WBP2NL: variants seen among roughly 807,000 people sequenced by gnomAD.
The protein encoded by WBP2NL is WBP2 N-terminal like, also known as postacrosomal sheath WW domain-binding protein.
WBP2NL carries 27 observed loss-of-function variants against 23.3 expected under a neutral mutation model. The observed-to-expected ratio is 1.16, with a 90% CI of 0.85 to 1.60. The LOEUF is 1.60. WBP2NL is among the 40% of genes most tolerant of loss of function. The pLI, the probability that WBP2NL is intolerant of heterozygous loss-of-function variation, is 0.00. For synonymous variants in WBP2NL, 151 were observed against 145.9 expected (o/e 1.03, Z -0.25); for missense variants, 370 against 389.5 (o/e 0.95, Z 0.42).
At chr22:42,002,993 GAAAA>G (rs1045772728) in intron 1 of WBP2NL, 1 of 151,184 alleles carries the variant, frequency 6.6e-6, no homozygotes, top group Non-Finnish European at 1.5e-5. Context: ...TTTAAGAAAA[GAAAA>G]AAAAGAAACT....
At chr22:42,032,711 A>T (rs1399400360), downstream of WBP2NL, 1 of 466,730 alleles carries the variant, frequency 2.1e-6, no homozygotes, top group South Asian at 1.6e-5. Context: ...GAGCCTGAAG[A>T]GGGTGGGGCA....
chr22:42,008,165 TCCTTTCTCCCTC>T (rs1174476795), intron 1 of WBP2NL, among the ~76,000 whole-genome samples: 1 of 144,846 alleles, frequency 6.9e-6, no homozygotes, highest in African/African-American at 2.5e-5. Context: ...TCCTTTCCTT[TCCTTTCTCCCTC>T]CCTTCCCTCT....
At chr22:42,003,352 C>G (rs1464141132) in intron 1 of WBP2NL, 1 of 152,574 alleles carries the variant, frequency 6.6e-6, no homozygotes, top group Admixed American at 6.6e-5. Context: ...GGCTTATATC[C>G]TAGCTCTGTC....
At chr22:42,042,957 C>G (rs531497658) in intron 8 of WBP2NL, among the ~76,000 whole-genome samples, 2 of 142,140 alleles carry the variant, frequency 1.4e-5, no homozygotes, top group Non-Finnish European at 3.0e-5. Flanking sequence ...CCCAGCTACT[C>G]AGGAGGCTAA....
intron 8 of WBP2NL, among the ~76,000 whole-genome samples, chr22:42,049,155 C>T (rs58160079): frequency 0.051 from 7,718 of 152,176 alleles, 679 homozygotes; most frequent in African/African-American, 0.18. Context: ...AGCAAAGCAG[C>T]AGACAAGTAG....
In WBP2NL at chr22:42,028,335, GTATATT is replaced by G. The variant is rs1924689769; in HGVS notation, c.*1159_*1164del. 3.0e-6 allele frequency: 1 copy of G among 331,662 alleles called. No homozygotes were observed. The allele number at this position is 331,662 out of a possible 1,614,324, so 20.5% of individuals were successfully genotyped here. On this transcript the variant is annotated 3_prime_UTR_variant, in exon 6 of 6. Coordinates refer to ENST00000328823, the MANE Select transcript of WBP2NL (RefSeq NM_152613.3). ...TATTTTATAACAAACGTTTATATTT[GTATATT>G]TATAACAAATATTTTGTAATGTCTC... is the stretch of plus-strand genomic sequence containing the variant.
chr22:42,057,234 T>C (rs1926072516), intron 8 of WBP2NL, among the ~76,000 whole-genome samples: 1 of 152,224 alleles, frequency 6.6e-6, no homozygotes, highest in African/African-American at 2.4e-5. Flanking sequence ...TGTTTCTTTC[T>C]TTTTCTCAGA....
At chr22:42,054,894 A>G (rs1925976154) in intron 8 of WBP2NL, among the ~76,000 whole-genome samples, 1 of 152,106 alleles carries the variant, frequency 6.6e-6, no homozygotes. Flanking sequence ...TGTCTAAAAA[A>G]GAAAAAAAAT....
intron 5 of WBP2NL, among the ~76,000 whole-genome samples, chr22:42,023,422 T>C (rs1286045017): frequency 6.6e-6 from 1 of 152,152 alleles, no homozygotes; most frequent in African/African-American, 2.4e-5. Flanking sequence ...TCTGAACTCC[T>C]GGCCTCCAGC....
intron 1 of WBP2NL, among the ~76,000 whole-genome samples, chr22:42,012,289 G>A (rs1432479991): frequency 6.6e-6 from 1 of 151,690 alleles, no homozygotes; most frequent in African/African-American, 2.4e-5. Context: ...AGTTCCTTGA[G>A]GCATAAAGTT....
chr22:42,034,090 G>T (rs1460759730), downstream of WBP2NL, among the ~76,000 whole-genome samples: 1 of 152,180 alleles, frequency 6.6e-6, no homozygotes, highest in Non-Finnish European at 1.5e-5. Context: ...TATGCTCATT[G>T]TGCCCAAAAT....
At chr22:42,036,574 C>T (rs1457122685), downstream of WBP2NL, among the ~76,000 whole-genome samples, 1 of 152,190 alleles carries the variant, frequency 6.6e-6, no homozygotes, top group Non-Finnish European at 1.5e-5. Context: ...TCTCTTTTCT[C>T]CACATCCTTG....
intron 1 of WBP2NL, among the ~76,000 whole-genome samples, chr22:42,006,723 T>C (rs1448951217): frequency 6.6e-6 from 1 of 152,240 alleles, no homozygotes; most frequent in African/African-American, 2.4e-5. Context: ...AAATAAGGTT[T>C]ATGTTTTTAT....
At chr22:42,037,713 C>T (rs2036116084), downstream of WBP2NL, among the ~76,000 whole-genome samples, 1 of 151,924 alleles carries the variant, frequency 6.6e-6, no homozygotes, top group Admixed American at 6.6e-5. Flanking sequence ...CTTAATTTCC[C>T]TTTCAGATAG....
At chr22:42,011,169 T>C (rs5996099) in intron 1 of WBP2NL, among the ~76,000 whole-genome samples, 69 of 152,356 alleles carry the variant, frequency 4.5e-4, no homozygotes, top group African/African-American at 1.6e-3. Flanking sequence ...GAAGTGTTTC[T>C]TCCTCTTTAA....
intron 1 of WBP2NL, among the ~76,000 whole-genome samples, chr22:42,010,016 C>T (rs1051698921): frequency 5.3e-5 from 8 of 152,318 alleles, no homozygotes; most frequent in Non-Finnish European, 7.4e-5. Context: ...ACAAACCTTT[C>T]ACCTCCTTGG....
intron 8 of WBP2NL, among the ~76,000 whole-genome samples, chr22:42,041,703 A>C (rs1281887374): frequency 6.6e-6 from 1 of 152,040 alleles, no homozygotes; most frequent in East Asian, 1.9e-4. Flanking sequence ...TTTATTTTTC[A>C]ACTTTTGTAG....
chr22:42,056,951 G>T (rs963286778), intron 8 of WBP2NL, among the ~76,000 whole-genome samples: 4 of 152,104 alleles, frequency 2.6e-5, no homozygotes, highest in Non-Finnish European at 5.9e-5. Context: ...AGACTCCCTT[G>T]TGTGATGAGT....
At chr22:42,000,715 T>G (rs918160140) in intron 1 of WBP2NL, among the ~76,000 whole-genome samples, 1 of 150,070 alleles carries the variant, frequency 6.7e-6, no homozygotes, top group African/African-American at 2.5e-5. Context: ...GATCACAAGA[T>G]CGGGAGTTCA....
Sources: gnomAD v4.1 joint callset for allele counts (sites outside exome capture counted in the v4.1 genomes callset) on GRCh38, gnomAD v4.1.1 for gene constraint, MANE v1.5 for transcripts, NCBI Gene and HGNC (gene_info 2026-07-23, HGNC 2026-07-21) for gene names.